Variants in ADAMTS18 observed in about 807,000 individuals in gnomAD.
ADAMTS18 encodes the protein A disintegrin and metalloproteinase with thrombospondin motifs 18.
Under a neutral mutation model 165.9 loss-of-function variants are expected in ADAMTS18, and 157 were observed. The observed-to-expected ratio is 0.95, with a 90% CI of 0.83 to 1.08. The LOEUF (loss-of-function observed/expected upper bound fraction) is 1.08. Ranked by LOEUF, ADAMTS18 falls within the 50% of genes least tolerant of loss-of-function variation. The probability of loss-of-function intolerance (pLI) is 0.00; values close to 1 mark genes in which losing one functional copy is unlikely to be tolerated. For missense variants in ADAMTS18, 2,040 were observed against 1,534.0 expected (o/e 1.33, Z -5.51); for synonymous variants, 782 against 578.2 (o/e 1.35, Z -5.06).
Position 77,300,337 on chromosome 16 carries a change from G to A in ADAMTS18, c.2600C>T (p.Thr867Ile), listed in dbSNP as rs1404991315. 8.7e-6 allele frequency: 14 copies of A among 1,613,962 alleles called. No individual in the cohort carries two copies. The highest frequency in any genetic ancestry group is 4.0e-5 in the African/African-American group (3 of 74,904). The change falls in exon 17 of 23, where the codon ACT becomes ATT. Residue 867 changes from threonine (T) to isoleucine (I), a missense_variant. Transcript: ENST00000282849. ...KYALPKVMNG[T>I]PPATKRPAYT... ...GGCAGGTCTTTTTGTGGCTGGTGGA[G>A]TTCCATTCATGACCTTGGGAAGTGC...
At chr16:77,363,992 T>A (rs530984168) in intron 5 of ADAMTS18, 107 bp from the exon 6 acceptor site, 397 of 1,232,018 alleles carry the variant, frequency 3.2e-4, no homozygotes, top group Non-Finnish European at 4.3e-4. Context: ...TTACCAAATA[T>A]ATGTACATAT....
chr16:77,299,028 T>C (rs760890284), intron 17 of ADAMTS18, among the ~76,000 whole-genome samples: 1 of 152,198 alleles, frequency 6.6e-6, no homozygotes, highest in African/African-American at 2.4e-5. Context: ...ACTTCTCTCC[T>C]TCCCAAGGCA....
intron 16 of ADAMTS18, among the ~76,000 whole-genome samples, chr16:77,307,285 G>T (rs960800338): frequency 1.5e-4 from 23 of 152,094 alleles, no homozygotes; most frequent in Admixed American, 1.0e-3. Context: ...TGTGATTTTT[G>T]GAAACTTGTG....
intron 3 of ADAMTS18, among the ~76,000 whole-genome samples, chr16:77,426,547 G>T (rs559898745): frequency 2.0e-5 from 3 of 152,114 alleles, no homozygotes; most frequent in Non-Finnish European, 4.4e-5. Context: ...CTTGTTTCAG[G>T]GTTGAATCAC....
At position 77,363,808 on chromosome 16, in the gene ADAMTS18, T is replaced by A. The variant is rs1246083081; in HGVS notation, c.1050A>T (p.Gln350His). 6.2e-7 allele frequency: 1 copy of A among 1,613,918 alleles called. No individual in the cohort carries two copies. Among genetic ancestry groups the A allele is most frequent in the Non-Finnish European group, 8.5e-7 (1 of 1,179,908 alleles). ...AATGAAGTTTGCCACTTACAGGTTC[T>A]TGTTCCAGAAGAATTAGGCTCACCA... ...VVVVSLILLE[Q>H]EPGGLLINHH... is the part of the protein sequence containing the mutation. Residue 350 changes from glutamine to histidine, a missense_variant, in exon 6 of 23, where the codon CAA (glutamine) becomes CAT (histidine). Physicochemically the swap from Gln to His is conservative, Grantham distance 24 (BLOSUM62 0). Transcript: ENST00000282849.
intron 3 of ADAMTS18, among the ~76,000 whole-genome samples, chr16:77,428,832 T>G (rs1408579815): frequency 6.6e-6 from 1 of 152,142 alleles, no homozygotes; most frequent in African/African-American, 2.4e-5. Flanking sequence ...TCCACAACAC[T>G]TCTGGTCCCA....
chr16:77,345,482 T>G (rs535177975), intron 10 of ADAMTS18, among the ~76,000 whole-genome samples: 1 of 152,260 alleles, frequency 6.6e-6, no homozygotes, highest in East Asian at 1.9e-4. Context: ...TATGGCCACC[T>G]TCCATTTCTA....
At chr16:77,336,198 C>T (rs2056308251) in intron 11 of ADAMTS18, among the ~76,000 whole-genome samples, 1 of 152,140 alleles carries the variant, frequency 6.6e-6, no homozygotes. Context: ...TTCCACCTAA[C>T]AGCCAAGGGA....
intron 3 of ADAMTS18, among the ~76,000 whole-genome samples, chr16:77,427,152 T>G (rs2057683844): frequency 6.6e-6 from 1 of 152,214 alleles, no homozygotes; most frequent in Non-Finnish European, 1.5e-5. Context: ...CCTTCCTGTG[T>G]CCAGCCTCCC....
intron 10 of ADAMTS18, among the ~76,000 whole-genome samples, chr16:77,343,703 T>A (rs531814154): frequency 6.6e-6 from 1 of 152,288 alleles, no homozygotes; most frequent in African/African-American, 2.4e-5. Flanking sequence ...TCTCAAATTC[T>A]CCAGGCCTCA....
Position 77,381,312 on chromosome 16 carries a change from A to C in ADAMTS18, c.496-13589T>G, listed in dbSNP as rs1316416890. 2.6e-5 allele frequency among the ~76,000 whole-genome samples: 4 copies of C among 151,938 alleles called. No individual in the cohort carries two copies. In the East Asian group the frequency reaches 7.7e-4, roughly 29 times the overall value. On this transcript the variant is annotated intron_variant, in intron 3 of 22. Transcript: ENST00000282849. The stretch of plus-strand genomic sequence containing the variant: ...GTTCCAGAGAGGGTGGGGGTGGGGG[A>C]CAGCTGAAATGCTGGACTCTGAAGG...
At chr16:77,422,540 G>GA (rs59113433) in intron 3 of ADAMTS18, among the ~76,000 whole-genome samples, 38,363 of 141,776 alleles carry the variant, frequency 0.27, 5,386 homozygotes, top group Non-Finnish European at 0.32. Context: ...AGAGGAGAGT[G>GA]AAAAAAAAAG....
At chr16:77,391,267 C>A (rs2057182447) in intron 3 of ADAMTS18, among the ~76,000 whole-genome samples, 1 of 152,084 alleles carries the variant, frequency 6.6e-6, no homozygotes. Context: ...CTTTGGGAGG[C>A]CAAAGCGGGC....
At chr16:77,357,528 A>T (rs545744625) in intron 8 of ADAMTS18, among the ~76,000 whole-genome samples, 1 of 152,298 alleles carries the variant, frequency 6.6e-6, no homozygotes, top group South Asian at 2.1e-4. Context: ...ACAGAAAGAA[A>T]CCTATAAATA....
intron 18 of ADAMTS18, among the ~76,000 whole-genome samples, chr16:77,296,018 G>GTA (rs142651891): frequency 0.14 from 20,546 of 150,382 alleles, 1,635 homozygotes; most frequent in African/African-American, 0.21. Context: ...GTGTGTGTGT[G>GTA]TATATATATA....
chr16:77,311,676 T>C (rs962797876), intron 16 of ADAMTS18, among the ~76,000 whole-genome samples: 47 of 147,660 alleles, frequency 3.2e-4, no homozygotes, highest in Admixed American at 2.8e-4. Context: ...AAAGATATCA[T>C]AGACAAAATA....
chr16:77,283,646 C>G lies in ADAMTS18; in HGVS notation c.*310G>C, dbSNP rs924648181. 3.0e-6 allele frequency: 1 copy of G among 331,682 alleles called. No individual in the cohort carries two copies. Among genetic ancestry groups the G allele is most frequent in the Non-Finnish European group, 5.7e-6 (1 of 174,254 alleles). 20.5% of individuals were successfully genotyped at this position (331,682 alleles called of 1,614,324 possible). A position where few individuals can be genotyped will look rare whatever the true frequency, so the allele number is the denominator to read the frequency against. ...AACCCTTTGAAGTTCAAAAGGGGGT[C>G]TCTCCCCAAATCGACGTATCTCAGT... On this transcript the variant is annotated 3_prime_UTR_variant, in exon 23 of 23. Coordinates refer to ENST00000282849, the MANE Select transcript of ADAMTS18 (RefSeq NM_199355.4).
At chr16:77,311,733 A>G (rs2055784982) in intron 16 of ADAMTS18, among the ~76,000 whole-genome samples, 1 of 145,704 alleles carries the variant, frequency 6.9e-6, no homozygotes, top group African/African-American at 2.5e-5. Flanking sequence ...ATATATTTGC[A>G]ACTTTTGAAT....
In ADAMTS18 at chr16:77,298,791, C is replaced by T. The variant is rs527424363; in HGVS notation, c.2675-1376G>A. 2.6e-5 allele frequency among the ~76,000 whole-genome samples: 4 copies of T among 152,234 alleles called. No homozygotes were observed. The South Asian group carries it at 8.3e-4, about 32-fold the overall frequency. On this transcript the variant is annotated intron_variant, in intron 17 of 22. Transcript: ENST00000282849. ...TGGGTGACAGAGTGAGATCCTATCT[C>T]AAGAAAAAATAACAAAAACAAAAAA...
Sources: gnomAD v4.1 joint callset for allele counts (sites outside exome capture counted in the v4.1 genomes callset) on GRCh38, gnomAD v4.1.1 for gene constraint, MANE v1.5 for transcripts, NCBI Gene and HGNC (gene_info 2026-07-23, HGNC 2026-07-21) for gene names.